DNMT3A: variants seen among roughly 807,000 people sequenced by gnomAD.
DNMT3A encodes the protein DNA (cytosine-5)-methyltransferase 3A.
DNMT3A carries 267 observed loss-of-function variants against 117.6 expected under a neutral mutation model. That is an observed-to-expected ratio of 2.27 (90% CI 2.05 to 2.51). DNMT3A has a LOEUF of 2.51. Ranked by LOEUF, DNMT3A falls within the 30% of genes most tolerant of loss-of-function variation. The pLI, the probability that DNMT3A is intolerant of heterozygous loss-of-function variation, is 0.00. For missense variants in DNMT3A, 1,029 were observed against 1,260.2 expected (o/e 0.82, Z 2.78); for synonymous variants, 432 against 474.8 (o/e 0.91, Z 1.17).
intron 1 of DNMT3A, among the ~76,000 whole-genome samples, chr2:25,338,692 C>G (rs1453468460): frequency 6.6e-6 from 1 of 152,180 alleles, no homozygotes; most frequent in East Asian, 1.9e-4. Context: ...AGAGCGGGGA[C>G]AGACACATGC....
chr2:25,310,848 G>A (rs1400088948), intron 2 of DNMT3A, among the ~76,000 whole-genome samples: 3 of 152,172 alleles, frequency 2.0e-5, no homozygotes, highest in Admixed American at 6.5e-5. Flanking sequence ...CCCATCCCCC[G>A]AGTTCTGGCT....
Position 25,243,928 on chromosome 2 carries a change from C to G in DNMT3A, c.1906G>C (p.Val636Leu), listed in dbSNP as rs376550450. 1 of 1,552,202 alleles carries G rather than the reference C, an allele frequency of 6.4e-7. No individual in the cohort carries two copies. Among genetic ancestry groups the G allele is most frequent in the Non-Finnish European group, 8.7e-7 (1 of 1,147,132 alleles). The change falls in exon 16 of 23, where the codon GTG (valine) becomes CTG (leucine). Residue 636 changes from valine to leucine, a missense_variant. Val to Leu is a conservative substitution (Grantham distance 32). Coordinates refer to ENST00000321117, the MANE Select transcript of DNMT3A (RefSeq NM_022552.5). ...GCGATTCCATCAAAGAGAGACAGCACCCGGATGGGCTTCCTCTTCTCAGCT... is the reference window on the plus strand; with the variant it reads ...GCGATTCCATCAAAGAGAGACAGCAGCCGGATGGGCTTCCTCTTCTCAGCT... ...VPAEKRKPIR[V>L]LSLFDGIATG...
At chr2:25,319,892 C>G (rs1483127291) in intron 1 of DNMT3A, among the ~76,000 whole-genome samples, 1 of 152,006 alleles carries the variant, frequency 6.6e-6, no homozygotes, top group Admixed American at 6.6e-5. Flanking sequence ...GCCTCAGCCT[C>G]ACGAGTAGCT....
chr2:25,234,188 C>T lies in DNMT3A; in HGVS notation c.*91G>A, dbSNP rs1316300369. On this transcript the variant is annotated 3_prime_UTR_variant, in exon 23 of 23. Transcript: ENST00000321117. The surrounding 1 kb of genome is among the most constrained non-coding windows in gnomAD (Gnocchi z 4.5). The stretch of plus-strand genomic sequence containing the variant: ...TCTTCTGGGTGCTGATACTTCTCTC[C>T]ATCCTCATGTTCTTGGTGTTTTATT... 1.3e-6 allele frequency: 2 copies of T among 1,504,962 alleles called. No individual in the cohort carries two copies. Among genetic ancestry groups the T allele is most frequent in the African/African-American group, 1.4e-5 (1 of 71,838 alleles). 93.2% of individuals were successfully genotyped at this position (1,504,962 alleles called of 1,614,324 possible).
At chr2:25,251,990 G>A in intron 6 of DNMT3A, 1 of 604,564 alleles carries the variant, frequency 1.7e-6, no homozygotes, top group Non-Finnish European at 2.7e-6. Context: ...GAGGAGTGGG[G>A]CCTTGGGGCT....
intron 1 of DNMT3A, among the ~76,000 whole-genome samples, chr2:25,330,674 C>T (rs971982921): frequency 6.6e-6 from 1 of 152,214 alleles, no homozygotes; most frequent in Admixed American, 6.5e-5. Context: ...GTGCCCCTAT[C>T]CCCTGGCACA....
chr2:25,238,400 C>CA (rs1673604066), intron 20 of DNMT3A, among the ~76,000 whole-genome samples: 1 of 152,106 alleles, frequency 6.6e-6, no homozygotes, highest in Non-Finnish European at 1.5e-5. Flanking sequence ...CCAAGTATAC[C>CA]AAGCAGCCCA....
Position 25,314,036 on chromosome 2 carries a change from C to T in DNMT3A, c.-52G>A. ...TGCGCGGGGCTGGGGGGCTGCTGGG[C>T]TTTGGGGAAGGAATTATCGTGGTCT... On this transcript the variant is annotated 5_prime_UTR_variant, in exon 2 of 23. Transcript: ENST00000321117. 6.7e-7 allele frequency: 1 copy of T among 1,483,562 alleles called. No individual in the cohort carries two copies. Among genetic ancestry groups the T allele is most frequent in the South Asian group, 1.3e-5 (1 of 74,970 alleles). 91.9% of individuals were successfully genotyped at this position (1,483,562 alleles called of 1,614,324 possible).
At chr2:25,244,683 C>G in intron 13 of DNMT3A, 31 bp from the exon 14 acceptor site, 1 of 1,597,180 alleles carries the variant, frequency 6.3e-7, no homozygotes, top group Non-Finnish European at 8.6e-7. Flanking sequence ...TCAGAAACCA[C>G]CAGGACGGGT....
chr2:25,324,454 C>A (rs1181169464), intron 1 of DNMT3A, among the ~76,000 whole-genome samples: 1 of 152,192 alleles, frequency 6.6e-6, no homozygotes, highest in Non-Finnish European at 1.5e-5. Flanking sequence ...ATGCTAAACA[C>A]ACATCTCAGA....
rs1672832906 is a variant in DNMT3A at position 25,230,732 on chromosome 2, C to A, written c.*3547G>T. On this transcript the variant is annotated 3_prime_UTR_variant, in exon 23 of 23. Coordinates refer to ENST00000321117, the MANE Select transcript of DNMT3A (RefSeq NM_022552.5). ...CACTCTCCTAAATTCTACTGTGAGACCAAGCACACAGGCTGGGCCGGAAGA... is the reference window on the plus strand; with the variant it reads ...CACTCTCCTAAATTCTACTGTGAGAACAAGCACACAGGCTGGGCCGGAAGA... The A allele has an allele frequency of 7.0e-6, 1 of 141,924 alleles. No individual in the cohort carries two copies. The highest frequency in any genetic ancestry group is 2.1e-4 in the South Asian group (1 of 4,696). 8.8% of individuals were successfully genotyped at this position (141,924 alleles called of 1,614,324 possible).
intron 1 of DNMT3A, among the ~76,000 whole-genome samples, chr2:25,338,097 A>G (rs1054194966): frequency 1.3e-5 from 2 of 152,202 alleles, no homozygotes; most frequent in African/African-American, 4.8e-5. Flanking sequence ...CACCAAGTCC[A>G]GGACCCCAGG....
intron 20 of DNMT3A, 115 bp downstream of exon 20, chr2:25,239,015 T>C: frequency 1.3e-6 from 1 of 772,802 alleles, no homozygotes; most frequent in Non-Finnish European, 2.1e-6. Flanking sequence ...GCAGAGCAGC[T>C]AGTCATTCAG....
In DNMT3A at chr2:25,333,595, C is replaced by T. The variant is rs187090589; in HGVS notation, c.-178+8231G>A. On this transcript the variant is annotated intron_variant, in intron 1 of 22. Transcript: ENST00000321117. ...ATCCACCCGCCTCGGCCTCCCAAAGCGCTGGGATTACAGGCGTGAGCCACT... is the reference window on the plus strand; with the variant it reads ...ATCCACCCGCCTCGGCCTCCCAAAGTGCTGGGATTACAGGCGTGAGCCACT... Among the ~76,000 whole-genome samples, 225 of 152,140 alleles carry T rather than the reference C, an allele frequency of 1.5e-3. 1 individual carries two copies. Among genetic ancestry groups the T allele is most frequent in the Non-Finnish European group, 2.3e-3 (157 of 67,986 alleles).
At chr2:25,271,203 C>T (rs545041618) in intron 6 of DNMT3A, among the ~76,000 whole-genome samples, 4 of 151,860 alleles carry the variant, frequency 2.6e-5, no homozygotes, top group African/African-American at 9.7e-5. Context: ...AAAAGTTAGC[C>T]GGGTGTGTCA....
At chr2:25,333,606 C>T (rs933789912) in intron 1 of DNMT3A, among the ~76,000 whole-genome samples, 6 of 152,206 alleles carry the variant, frequency 3.9e-5, no homozygotes, top group African/African-American at 1.2e-4. Flanking sequence ...GCTGGGATTA[C>T]AGGCGTGAGC....
chr2:25,314,540 C>A (rs1437609860), intron 1 of DNMT3A: 1 of 985,210 alleles, frequency 1.0e-6, no homozygotes, highest in African/African-American at 1.7e-5. Flanking sequence ...CCCCAGAGGC[C>A]CCTAGCCCAG....
chr2:25,308,362 C>T (rs1301369232), intron 2 of DNMT3A, among the ~76,000 whole-genome samples: 1 of 152,184 alleles, frequency 6.6e-6, no homozygotes, highest in Non-Finnish European at 1.5e-5. Context: ...CAGAGTCCAG[C>T]TTCAACACAG....
rs1281660324 is a variant in DNMT3A at position 25,240,486 on chromosome 2, T to C, written c.2174-36A>G. On this transcript the variant is annotated intron_variant, in intron 18 of 22. Coordinates refer to ENST00000321117, the MANE Select transcript of DNMT3A (RefSeq NM_022552.5). ...GGAAGAGAAAGCCATCAGCTGGGGCTGTCTGCATAGGACAGTGGTGTGGCT... is the reference window on the plus strand; with the variant it reads ...GGAAGAGAAAGCCATCAGCTGGGGCCGTCTGCATAGGACAGTGGTGTGGCT... 3 of 1,589,548 alleles carry C rather than the reference T, an allele frequency of 1.9e-6. No individual in the cohort carries two copies. The South Asian group carries it at 3.5e-5, about 19-fold the overall frequency.
Sources: gnomAD v4.1 joint callset for allele counts (sites outside exome capture counted in the v4.1 genomes callset) on GRCh38, gnomAD v4.1.1 for gene constraint, Gnocchi (gnomAD v3.1) non-coding constraint, MANE v1.5 for transcripts, NCBI Gene and HGNC (gene_info 2026-07-23, HGNC 2026-07-21) for gene names.